AKIP1: variants seen among roughly 807,000 people sequenced by gnomAD.
The protein encoded by AKIP1 is A-kinase-interacting protein 1.
Under a neutral mutation model 22.3 loss-of-function variants are expected in AKIP1, and 18 were observed. That is an observed-to-expected ratio of 0.81 (90% CI 0.56 to 1.19). The LOEUF (loss-of-function observed/expected upper bound fraction) is 1.19. Among genes scored for constraint, AKIP1 ranks in the 50% most tolerant of loss-of-function variants. The pLI is 0.00. For synonymous variants in AKIP1, 120 were observed against 102.7 expected (o/e 1.17, Z -1.02); for missense variants, 287 against 264.6 (o/e 1.08, Z -0.59).
At chr11:8,917,756 T>C (rs2064509154) in intron 5 of AKIP1, 1 of 349,346 alleles carries the variant, frequency 2.9e-6, no homozygotes. Flanking sequence ...TTCCGAAACA[T>C]ACACATTTGG....
At chr11:8,915,520 C>T (rs2064470322) in intron 4 of AKIP1, among the ~76,000 whole-genome samples, 2 of 151,754 alleles carry the variant, frequency 1.3e-5, no homozygotes, top group South Asian at 2.1e-4. Context: ...TGCCACCACA[C>T]CCAGCTAATT....
At chr11:8,912,293 C>T (rs1203297134) in intron 2 of AKIP1, among the ~76,000 whole-genome samples, 160 bp from the exon 3 acceptor site, 1 of 151,836 alleles carries the variant, frequency 6.6e-6, no homozygotes, top group East Asian at 1.9e-4. Flanking sequence ...AATTGCATGT[C>T]TATCTTTTAG....
chr11:8,914,345 A>G (rs1305712545), intron 3 of AKIP1, among the ~76,000 whole-genome samples: 1 of 152,196 alleles, frequency 6.6e-6, no homozygotes, highest in Non-Finnish European at 1.5e-5. Context: ...GCACAGAGAA[A>G]AGGGCTGCAG....
At position 8,919,630 on chromosome 11, in the gene AKIP1, T is replaced by TTTTG. The variant is rs770094763; in HGVS notation, c.*159_*162dup. Reference sequence around the variant, plus strand: ...CTGGAGTCTGTCTCTTTCAGTGCTTTTTTGTTTGTTTGGTTGGTTTTTTTT... The same window carrying TTTTG: ...CTGGAGTCTGTCTCTTTCAGTGCTTTTTTGTTTGTTTGTTTGGTTGGTTTTTTTT... On this transcript the variant is annotated 3_prime_UTR_variant, in exon 6 of 6. Transcript: ENST00000309377. 1.2e-5 allele frequency: 10 copies of TTTTG among 861,218 alleles called. No homozygotes were observed. The highest frequency in any genetic ancestry group is 1.8e-5 in the Non-Finnish European group (10 of 567,004). The allele number at this position is 861,218 out of a possible 1,614,324, so 53.3% of individuals were successfully genotyped here. A position where few individuals can be genotyped will look rare whatever the true frequency, so the allele number is the denominator to read the frequency against.
At chr11:8,915,977 C>T (rs982710499) in intron 4 of AKIP1, among the ~76,000 whole-genome samples, 62 of 152,070 alleles carry the variant, frequency 4.1e-4, no homozygotes, top group African/African-American at 5.3e-4. Flanking sequence ...GTTGCCACCA[C>T]GCCTGGCTAA....
At position 8,919,848 on chromosome 11, in the gene AKIP1, A is replaced by G; in HGVS notation, c.*368A>G. On this transcript the variant is annotated 3_prime_UTR_variant, in exon 6 of 6. Transcript: ENST00000309377. ...GAGACGGGGTTTCACCATGTTGGCC[A>G]GGATGGTCTCGATCTCTTGACCTCG... 1 of 188,828 alleles carries G rather than the reference A, an allele frequency of 5.3e-6. No individual in the cohort carries two copies. The allele number at this position is 188,828 out of a possible 1,614,324, so 11.7% of individuals were successfully genotyped here.
Position 8,914,737 on chromosome 11 carries a change from C to T in AKIP1, c.304-89C>T, listed in dbSNP as rs979984635. ...TCACCTTTGCTCTCTTGCCTCCCTC[C>T]TTAACTGCACTTTGCCCAAATATCA... On this transcript the variant is annotated intron_variant, in intron 3 of 5. Coordinates refer to ENST00000309377, the MANE Select transcript of AKIP1 (RefSeq NM_020642.4). 2.1e-5 allele frequency: 20 copies of T among 959,810 alleles called. No individual in the cohort carries two copies. In the South Asian group the frequency reaches 2.8e-4, roughly 14 times the overall value. 59.5% of individuals were successfully genotyped at this position (959,810 alleles called of 1,614,324 possible).
At chr11:8,911,704 CCTT>C (rs778299201) in intron 2 of AKIP1, 33 bp downstream of exon 2, 2 of 1,468,892 alleles carry the variant, frequency 1.4e-6, no homozygotes, top group African/African-American at 2.8e-5. Context: ...CCGCCCCAGT[CCTT>C]CGCGCCGCGG....
chr11:8,917,369 TGAGTAC>T lies in AKIP1; in HGVS notation c.489+4_489+9del. ...CATGCTCCAGAGGCATCCCAGCCTGTGAGTACGGAACTGCTTACGCACTGGGTTTCA... is the reference window on the plus strand; with the variant it reads ...CATGCTCCAGAGGCATCCCAGCCTGTGGAACTGCTTACGCACTGGGTTTCA... On this transcript the variant is annotated splice_donor_5th_base_variant and intron_variant, in intron 5 of 5. Transcript: ENST00000309377. The T allele has an allele frequency of 6.2e-7, 1 of 1,613,034 alleles. No homozygotes were observed. The highest frequency in any genetic ancestry group is 8.5e-7 in the Non-Finnish European group (1 of 1,179,358).
chr11:8,911,228 G>A lies in AKIP1; in HGVS notation c.-7+5G>A, dbSNP rs1458625592. Reference sequence around the variant, plus strand: ...GCGCCTTGACGAGTGAGCCGGGTGAGGGGGCTCCCTAAGTAGCGGAAGGGG... The same window carrying A: ...GCGCCTTGACGAGTGAGCCGGGTGAAGGGGCTCCCTAAGTAGCGGAAGGGG... On this transcript the variant is annotated splice_donor_5th_base_variant and intron_variant, in intron 1 of 5. Coordinates refer to ENST00000309377, the MANE Select transcript of AKIP1 (RefSeq NM_020642.4). The A allele has an allele frequency of 7.1e-6, 4 of 563,330 alleles. No individual in the cohort carries two copies. The highest frequency in any genetic ancestry group is 3.3e-5 in the Admixed American group (1 of 30,064). The allele number at this position is 563,330 out of a possible 1,614,324, so 34.9% of individuals were successfully genotyped here.
rs2064329356 is a variant in AKIP1, at chr11:8,911,217, GAGCCGGGTGAGGGGGCT to G, written c.-12_-7+11del. ...GTTGCGCGCATGCGCCTTGACGAGT[GAGCCGGGTGAGGGGGCT>G]CCCTAAGTAGCGGAAGGGGTAGATG... On this transcript the variant is annotated splice_donor_variant and splice_donor_5th_base_variant and 5_prime_UTR_variant and intron_variant, in exon 1 of 6. Coordinates refer to ENST00000309377, the MANE Select transcript of AKIP1 (RefSeq NM_020642.4). LOFTEE classifies it low-confidence loss of function (5UTR_SPLICE). 1.8e-6 allele frequency: 1 copy of G among 547,408 alleles called. No homozygotes were observed. Among genetic ancestry groups the G allele is most frequent in the African/African-American group, 1.9e-5 (1 of 52,572 alleles). 33.9% of individuals were successfully genotyped at this position (547,408 alleles called of 1,614,324 possible). A position where few individuals can be genotyped will look rare whatever the true frequency, so the allele number is the denominator to read the frequency against.
chr11:8,912,498 G>A lies in AKIP1; in HGVS notation c.268G>A (p.Ala90Thr), dbSNP rs1413331170. ...CCTTAGTGCTTCCTTCAGAACAATG[G>A]CTGAATTCATGGACTATACTTCAAG... The part of the protein sequence containing the change: ...PTLSASFRTM[A>T]EFMDYTSSQC... Residue 90 changes from alanine to threonine, a missense_variant, in exon 3 of 6, where the codon GCT becomes ACT. Transcript: ENST00000309377. 1.2e-6 allele frequency: 2 copies of A among 1,614,118 alleles called. No individual in the cohort carries two copies. The highest frequency in any genetic ancestry group is 1.7e-6 in the Non-Finnish European group (2 of 1,179,962).
chr11:8,915,042 A>C, intron 4 of AKIP1, 112 bp downstream of exon 4: 1 of 737,058 alleles, frequency 1.4e-6, no homozygotes, highest in Non-Finnish European at 2.3e-6. Flanking sequence ...GTGACTTGGC[A>C]TTACAGTGCT....
At chr11:8,912,326 C>G in intron 2 of AKIP1, 127 bp from the exon 3 acceptor site, 1 of 702,634 alleles carries the variant, frequency 1.4e-6, no homozygotes, top group South Asian at 1.7e-5. Context: ...TTCTCAATAA[C>G]ATCGTTCTTT....
rs980402074 is a variant in AKIP1, at chr11:8,919,521, G to C, written c.*41G>C. 5 of 1,601,742 alleles carry C rather than the reference G, an allele frequency of 3.1e-6. No homozygotes were observed. The highest frequency in any genetic ancestry group is 4.3e-6 in the Non-Finnish European group (5 of 1,173,838). On this transcript the variant is annotated 3_prime_UTR_variant, in exon 6 of 6. Transcript: ENST00000309377. ...CCATCACATCACCTTTTTTTAAGTA[G>C]TAAGAATAAAGCCACTGTATGATTC...
chr11:8,915,555 GT>G (rs1445565834), intron 4 of AKIP1, among the ~76,000 whole-genome samples: 2 of 149,398 alleles, frequency 1.3e-5, no homozygotes, highest in African/African-American at 4.9e-5. Context: ...TAGAGATGGG[GT>G]TTTGCTATGT....
chr11:8,915,358 C>CTT (rs559350653), intron 4 of AKIP1, among the ~76,000 whole-genome samples: 134 of 83,972 alleles, frequency 1.6e-3, no homozygotes, highest in African/African-American at 5.8e-3. Flanking sequence ...TTTTTTTTTT[C>CTT]TTTTTTTTTT....
At position 8,911,437 on chromosome 11, in the gene AKIP1, C is replaced by T; in HGVS notation, c.-6-7C>T. ...CGCCGGCGTTTGTACGTTGTGTGCC[C>T]ACTCAGGGAGCCATGGACAACTGTT... On this transcript the variant is annotated splice_region_variant and splice_polypyrimidine_tract_variant and intron_variant, in intron 1 of 5. Transcript: ENST00000309377. The T allele has an allele frequency of 1.9e-6, 3 of 1,576,112 alleles. No individual in the cohort carries two copies. The highest frequency in any genetic ancestry group is 2.6e-6 in the Non-Finnish European group (3 of 1,160,976).
At chr11:8,919,278 G>T in intron 5 of AKIP1, 59 bp from the exon 6 acceptor site, 1 of 1,532,282 alleles carries the variant, frequency 6.5e-7, no homozygotes, top group Non-Finnish European at 8.9e-7. Flanking sequence ...CTGCTGGGGG[G>T]CCATGGTGGC....
Sources: gnomAD v4.1 joint callset for allele counts (sites outside exome capture counted in the v4.1 genomes callset) on GRCh38, gnomAD v4.1.1 for gene constraint, MANE v1.5 for transcripts, NCBI Gene and HGNC (gene_info 2026-07-23, HGNC 2026-07-21) for gene names.